The following TP63 variants were observed in gnomAD, a reference collection of about 807,000 sequenced individuals.
TP63 encodes the protein tumor protein p63.
Under a neutral mutation model 82.8 loss-of-function variants are expected in TP63, and 17 were observed. The observed-to-expected ratio is 0.21, with a 90% CI of 0.14 to 0.31. The LOEUF is 0.31. Ranked by LOEUF, TP63 falls within the 10% of genes least tolerant of loss-of-function variation. The pLI is 1.00. For synonymous variants in TP63, 330 were observed against 321.7 expected (o/e 1.03, Z -0.28); for missense variants, 648 against 895.3 (o/e 0.72, Z 3.52).
chr3:189,778,234 A>G (rs556570946), intron 3 of TP63, among the ~76,000 whole-genome samples: 1 of 152,212 alleles, frequency 6.6e-6, no homozygotes, highest in African/African-American at 2.4e-5. Context: ...AGTGTTTGAA[A>G]GGAAATGTGT....
chr3:189,828,981 C>G (rs545511774), intron 4 of TP63, among the ~76,000 whole-genome samples: 49 of 152,288 alleles, frequency 3.2e-4, no homozygotes, highest in African/African-American at 1.2e-3. Flanking sequence ...TGTATTTGGC[C>G]TTTGACTCGT....
chr3:189,772,899 C>T (rs1440587275), intron 3 of TP63, among the ~76,000 whole-genome samples: 1 of 152,132 alleles, frequency 6.6e-6, no homozygotes, highest in Non-Finnish European at 1.5e-5. Flanking sequence ...GATAATACTA[C>T]TACTTTGCAC....
chr3:189,789,600 A>AGAG, intron 3 of TP63: 1 of 1,254,770 alleles, frequency 8.0e-7, no homozygotes, highest in Non-Finnish European at 1.0e-6. Flanking sequence ...GGTAAAGAGA[A>AGAG]GAGTCCCGCC....
intron 4 of TP63, 142 bp downstream of exon 4, chr3:189,808,668 C>A: frequency 2.0e-6 from 3 of 1,486,568 alleles, no homozygotes; most frequent in Non-Finnish European, 1.8e-6. Context: ...TAATACTGAA[C>A]CAGAGAGAGA....
At chr3:189,624,344 G>T in the TP63 span, among the ~76,000 whole-genome samples, 6 of 152,024 alleles carry the variant, frequency 3.9e-5, no homozygotes, top group South Asian at 1.2e-3. Flanking sequence ...ACATATGTGT[G>T]GTTTTTAATG....
Position 189,631,402 on chromosome 3 carries a change from C to T in TP63, c.-114C>T. The T allele has an allele frequency of 1.3e-6, 2 of 1,574,762 alleles. No homozygotes were observed. Among genetic ancestry groups the T allele is most frequent in the Non-Finnish European group, 1.7e-6 (2 of 1,161,930 alleles). ...GTGCCTAAACTTCTATGTCTGATAG[C>T]ATTTGACCCTATTGCTTTTAGCCTC... is the stretch of plus-strand genomic sequence containing the variant. On this transcript the variant is annotated 5_prime_UTR_variant, in exon 1 of 14. Transcript: ENST00000264731.
rs200117233 is a variant in TP63, at chr3:189,874,981, CTT to C, written c.1349+2004_1349+2005del. Among the ~76,000 whole-genome samples, 501 of 114,218 alleles carry C rather than the reference CTT, an allele frequency of 4.4e-3. 3 individuals are homozygous for C. The highest frequency in any genetic ancestry group is 0.015 in the African/African-American group (439 of 29,622). 74.9% of individuals were successfully genotyped at this position (114,218 alleles called of 152,430 possible). ...GTTGCTCTTCAGTACTCTTTCCTGT[CTT>C]TTTTTTTTTTTTTTTTTCAGTTAAT... is the stretch of plus-strand genomic sequence containing the variant. On this transcript the variant is annotated intron_variant, in intron 10 of 13. Transcript: ENST00000264731.
chr3:189,808,546 A>G lies in TP63; in HGVS notation c.579+20A>G. 6.2e-7 allele frequency: 1 copy of G among 1,612,356 alleles called. No homozygotes were observed. Among genetic ancestry groups the G allele is most frequent in the Non-Finnish European group, 8.5e-7 (1 of 1,180,032 alleles). ...TGGACGGTAAGAGCAGCGGGCACGC[A>G]CATACCTGACCCCCCAAGTCCAAGG... On this transcript the variant is annotated intron_variant, in intron 4 of 13. Transcript: ENST00000264731.
intron 3 of TP63, among the ~76,000 whole-genome samples, chr3:189,785,978 A>G (rs1724570618): frequency 6.6e-6 from 1 of 152,000 alleles, no homozygotes; most frequent in African/African-American, 2.4e-5. Flanking sequence ...CATGGACTCA[A>G]ACAACCATGG....
chr3:189,656,806 C>A (rs1355330709), intron 1 of TP63, among the ~76,000 whole-genome samples: 2 of 151,990 alleles, frequency 1.3e-5, no homozygotes, highest in African/African-American at 4.8e-5. Flanking sequence ...AATGTGTATG[C>A]ACCTAACAAC....
intron 3 of TP63, among the ~76,000 whole-genome samples, chr3:189,770,987 C>A (rs1291512900): frequency 6.6e-6 from 1 of 152,018 alleles, no homozygotes; most frequent in Non-Finnish European, 1.5e-5. Flanking sequence ...TACCCTTGCT[C>A]CTCACAACAA....
chr3:189,797,747 A>G (rs1296588469), intron 3 of TP63, among the ~76,000 whole-genome samples: 1 of 152,060 alleles, frequency 6.6e-6, no homozygotes. Flanking sequence ...CTGGGAAATT[A>G]TTTCAACAGA....
chr3:189,882,609 G>T (rs1720047642), intron 10 of TP63, among the ~76,000 whole-genome samples: 1 of 152,010 alleles, frequency 6.6e-6, no homozygotes, highest in Non-Finnish European at 1.5e-5. Context: ...CCTACTAGAG[G>T]GTTGCTTTTT....
chr3:189,682,556 ATATATATATATATAT>A (rs1716063728), intron 1 of TP63, among the ~76,000 whole-genome samples: 1 of 3,612 alleles, frequency 2.8e-4, no homozygotes, highest in African/African-American at 4.6e-4. Flanking sequence ...AAAAAAAAAT[ATATATATATATATAT>A]ATATATATAT....
At chr3:189,806,277 G>C (rs902169237) in intron 3 of TP63, among the ~76,000 whole-genome samples, 4 of 151,982 alleles carry the variant, frequency 2.6e-5, no homozygotes, top group Non-Finnish European at 5.9e-5. Context: ...AGGAGGGAAG[G>C]GGGTGGCCCA....
intron 3 of TP63, among the ~76,000 whole-genome samples, chr3:189,757,969 C>A (rs941959990): frequency 2.0e-5 from 3 of 152,122 alleles, no homozygotes; most frequent in African/African-American, 7.2e-5. Context: ...GGCAAAATGG[C>A]AGAGTTTAAC....
chr3:189,666,889 G>A (rs1359461470), intron 1 of TP63, among the ~76,000 whole-genome samples: 1 of 120,894 alleles, frequency 8.3e-6, no homozygotes. Flanking sequence ...ATTTACAAAA[G>A]AATGGATTGG....
At chr3:189,612,569 C>G in the TP63 span, among the ~76,000 whole-genome samples, 3 of 152,120 alleles carry the variant, frequency 2.0e-5, no homozygotes, top group African/African-American at 7.2e-5. Context: ...AATTGGTACT[C>G]TAGAGTGGGC....
chr3:189,599,595 A>C, the TP63 span, among the ~76,000 whole-genome samples: 1 of 152,252 alleles, frequency 6.6e-6, no homozygotes, highest in Admixed American at 6.5e-5. Flanking sequence ...GACGGCGATC[A>C]TGGCAGTCAT....
Sources: gnomAD v4.1 joint callset for allele counts (sites outside exome capture counted in the v4.1 genomes callset) on GRCh38, gnomAD v4.1.1 for gene constraint, MANE v1.5 for transcripts, NCBI Gene and HGNC (gene_info 2026-07-23, HGNC 2026-07-21) for gene names.